TBC1D5: variants seen among roughly 807,000 people sequenced by gnomAD.
The protein encoded by TBC1D5 is TBC1 domain family, member 5.
Under a neutral mutation model 100.3 loss-of-function variants are expected in TBC1D5, and 75 were observed. The ratio of observed to expected loss-of-function variants is 0.75; its 90% confidence interval spans 0.62 to 0.91. The LOEUF is 0.91. TBC1D5 is among the 40% of genes least tolerant of loss of function. The probability of loss-of-function intolerance (pLI) is 0.00; values close to 1 mark genes in which losing one functional copy is unlikely to be tolerated. For missense variants in TBC1D5, 910 were observed against 942.4 expected (o/e 0.97, Z 0.45); for synonymous variants, 323 against 325.6 (o/e 0.99, Z 0.09).
At chr3:17,264,602 G>T (rs1165058237) in intron 15 of TBC1D5, among the ~76,000 whole-genome samples, 1 of 152,238 alleles carries the variant, frequency 6.6e-6, no homozygotes, top group Non-Finnish European at 1.5e-5. Flanking sequence ...ATGTGCTCTA[G>T]CATCAGGCGC....
intron 15 of TBC1D5, among the ~76,000 whole-genome samples, chr3:17,274,372 C>T (rs2079755741): frequency 6.6e-6 from 1 of 152,106 alleles, no homozygotes; most frequent in African/African-American, 2.4e-5. Context: ...CTCTGGAACT[C>T]AAATACAAGA....
chr3:17,554,621 C>A (rs113301588), intron 2 of TBC1D5, among the ~76,000 whole-genome samples: 3 of 152,154 alleles, frequency 2.0e-5, no homozygotes, highest in African/African-American at 7.2e-5. Flanking sequence ...TATATACATT[C>A]TTTATTCTCC....
chr3:17,490,505 T>C (rs2095625714), intron 3 of TBC1D5, among the ~76,000 whole-genome samples: 2 of 152,212 alleles, frequency 1.3e-5, no homozygotes, highest in African/African-American at 4.8e-5. Flanking sequence ...TTAATTTTTG[T>C]ATAAGGTGTA....
intron 13 of TBC1D5, among the ~76,000 whole-genome samples, chr3:17,338,151 G>A (rs2088234987): frequency 6.6e-6 from 1 of 152,118 alleles, no homozygotes; most frequent in South Asian, 2.1e-4. Flanking sequence ...GTTGTTTAGG[G>A]AATCCTAAAG....
intron 1 of TBC1D5, among the ~76,000 whole-genome samples, chr3:17,665,906 T>G (rs547976645): frequency 1.2e-4 from 19 of 152,302 alleles, no homozygotes; most frequent in African/African-American, 4.3e-4. Flanking sequence ...GGGTCTTTTG[T>G]GTGTGTGACC....
At chr3:17,254,824 G>A (rs999342645) in intron 16 of TBC1D5, among the ~76,000 whole-genome samples, 7 of 150,618 alleles carry the variant, frequency 4.6e-5, no homozygotes, top group African/African-American at 1.5e-4. Flanking sequence ...AGAAAAAGCT[G>A]TTACACTCAT....
Position 17,544,420 on chromosome 3 carries a change from AAGC to A in TBC1D5, c.-35-35818_-35-35816del, listed in dbSNP as rs569100605. 9.8e-3 allele frequency among the ~76,000 whole-genome samples: 1,499 copies of A among 152,292 alleles called. 28 individuals carry two copies. Among genetic ancestry groups the A allele is most frequent in the African/African-American group, 0.034 (1,403 of 41,554 alleles). On this transcript the variant is annotated intron_variant, in intron 2 of 21. Coordinates refer to ENST00000253692, the Ensembl canonical transcript of TBC1D5. ...GTAATCCCGGCACTCTGGGAGGCCA[AAGC>A]AGGCAGATCACGAGGTCAGGGGTTT...
chr3:17,533,493 TCAAA>T (rs767520279), intron 2 of TBC1D5, among the ~76,000 whole-genome samples: 24 of 152,132 alleles, frequency 1.6e-4, no homozygotes, highest in Admixed American at 7.9e-4. Context: ...TGGCACCAAC[TCAAA>T]CAAACTGCTT....
intron 2 of TBC1D5, among the ~76,000 whole-genome samples, chr3:17,528,229 G>A (rs186642773): frequency 4.1e-4 from 62 of 152,274 alleles, no homozygotes; most frequent in African/African-American, 1.5e-3. Flanking sequence ...CCAGCCCCCA[G>A]TGCAGCAGTA....
intron 1 of TBC1D5, among the ~76,000 whole-genome samples, chr3:17,627,179 C>T (rs1246598510): frequency 6.6e-6 from 1 of 152,010 alleles, no homozygotes; most frequent in Non-Finnish European, 1.5e-5. Context: ...TAAGAGAGAA[C>T]AAGACTAGGA....
chr3:17,714,142 G>T (rs2075020290), intron 1 of TBC1D5, among the ~76,000 whole-genome samples: 1 of 152,078 alleles, frequency 6.6e-6, no homozygotes, highest in Non-Finnish European at 1.5e-5. Context: ...GTGTATATCT[G>T]TTCTAACCTG....
rs114722344 is a variant in TBC1D5 at position 17,329,578 on chromosome 3, T to C, written c.996-21444A>G. Reference sequence around the variant, plus strand: ...AACTTTCAAAACATCAGAAAAGTGATTGTAAACTCAATTTTGCAAAGTGAG... The same window carrying C: ...AACTTTCAAAACATCAGAAAAGTGACTGTAAACTCAATTTTGCAAAGTGAG... On this transcript the variant is annotated intron_variant, in intron 13 of 21. Coordinates refer to ENST00000253692, the Ensembl canonical transcript of TBC1D5. Among the ~76,000 whole-genome samples the C allele has an allele frequency of 4.2e-3, 644 of 152,334 alleles. 4 individuals are homozygous for C. Among genetic ancestry groups the C allele is most frequent in the African/African-American group, 0.015 (617 of 41,568 alleles).
intron 16 of TBC1D5, among the ~76,000 whole-genome samples, chr3:17,246,367 C>T (rs1423619969): frequency 5.9e-5 from 9 of 152,074 alleles, no homozygotes. Flanking sequence ...AATTGATATA[C>T]ATATTAAATG....
chr3:17,272,483 T>C (rs1386752623), intron 15 of TBC1D5, among the ~76,000 whole-genome samples: 1 of 152,196 alleles, frequency 6.6e-6, no homozygotes, highest in Non-Finnish European at 1.5e-5. Context: ...AAGAAACATA[T>C]AACATCAGTT....
chr3:17,616,902 T>C (rs2062213143), intron 2 of TBC1D5, among the ~76,000 whole-genome samples: 1 of 152,198 alleles, frequency 6.6e-6, no homozygotes. Context: ...AAGGTTAATA[T>C]TGTTATGTGT....
chr3:17,381,701 C>G (rs1400499201), intron 9 of TBC1D5, among the ~76,000 whole-genome samples: 2 of 151,954 alleles, frequency 1.3e-5, no homozygotes, highest in East Asian at 1.9e-4. Context: ...TGTTTTTAGT[C>G]TTTCGACTTT....
At chr3:17,384,044 T>C (rs1475605655) in intron 8 of TBC1D5, 29 bp from the exon 9 acceptor site, 2 of 1,545,860 alleles carry the variant, frequency 1.3e-6, no homozygotes, top group Non-Finnish European at 1.8e-6. Flanking sequence ...AGATTGAAAC[T>C]GACTAACACA....
rs933903880 is a variant in TBC1D5 at position 17,500,938 on chromosome 3, G to A, written c.97+7536C>T. On this transcript the variant is annotated intron_variant, in intron 3 of 21. Transcript: ENST00000253692. ...ACTTTTTTTTGAACAGCTTAATTTA[G>A]AGGAACTAGGCTTGGCATGTTCTTT... Among the ~76,000 whole-genome samples the A allele has an allele frequency of 8.7e-5, 13 of 149,380 alleles. 4 individuals are homozygous for A. The highest frequency in any genetic ancestry group is 3.3e-4 in the African/African-American group (13 of 39,356).
chr3:17,627,623 A>T (rs1185875339), intron 1 of TBC1D5, among the ~76,000 whole-genome samples: 1 of 151,958 alleles, frequency 6.6e-6, no homozygotes, highest in South Asian at 2.1e-4. Flanking sequence ...GGGTCTTAGA[A>T]TGTACTGCAA....
Sources: gnomAD v4.1 joint callset for allele counts (sites outside exome capture counted in the v4.1 genomes callset) on GRCh38, gnomAD v4.1.1 for gene constraint, MANE v1.5 for transcripts, NCBI Gene and HGNC (gene_info 2026-07-23, HGNC 2026-07-21) for gene names.